SGSM1: variants seen among roughly 807,000 people sequenced by gnomAD.
The protein encoded by SGSM1 is RUN and TBC1 domain containing 2.
A neutral mutation model predicts 133.8 loss-of-function variants in SGSM1; 73 were observed. The observed-to-expected ratio is 0.55, with a 90% confidence interval of 0.45 to 0.66. SGSM1 has a LOEUF of 0.66. Among genes scored for constraint, SGSM1 ranks in the 30% least tolerant of loss-of-function variants. The pLI, the probability that SGSM1 is intolerant of heterozygous loss-of-function variation, is 0.00. For missense variants in SGSM1, 1,213 were observed against 1,448.1 expected (o/e 0.84, Z 2.64); for synonymous variants, 563 against 573.0 (o/e 0.98, Z 0.25).
chr22:24,827,022 T>A (rs1044842666), intron 2 of SGSM1, among the ~76,000 whole-genome samples: 8 of 152,204 alleles, frequency 5.3e-5, no homozygotes, highest in African/African-American at 1.7e-4. Context: ...GGCTGTGTGC[T>A]GGGTCCTGTT....
At chr22:24,884,727 C>G (rs1193282328) in intron 15 of SGSM1, among the ~76,000 whole-genome samples, 2 of 152,222 alleles carry the variant, frequency 1.3e-5, no homozygotes, top group Admixed American at 6.5e-5. Context: ...CTTCCAACAC[C>G]ATCACTTCCC....
At chr22:24,816,740 T>C (rs1928108501) in intron 2 of SGSM1, among the ~76,000 whole-genome samples, 2 of 152,194 alleles carry the variant, frequency 1.3e-5, no homozygotes, top group Non-Finnish European at 2.9e-5. Flanking sequence ...GGGGCGCCAA[T>C]GATGTCATCA....
intron 20 of SGSM1, among the ~76,000 whole-genome samples, chr22:24,904,473 G>A (rs1207545932): frequency 6.6e-6 from 1 of 151,654 alleles, no homozygotes; most frequent in Non-Finnish European, 1.5e-5. Flanking sequence ...CCAGCTACTC[G>A]GGAGGCTGAG....
At chr22:24,818,088 C>T (rs1235602094) in intron 2 of SGSM1, among the ~76,000 whole-genome samples, 1 of 151,588 alleles carries the variant, frequency 6.6e-6, no homozygotes. Context: ...AAAAATTAGC[C>T]GGGCGTGGTG....
intron 9 of SGSM1, among the ~76,000 whole-genome samples, chr22:24,860,949 A>ATATATATATATATATATAT (rs1569152376): frequency 3.0e-5 from 4 of 133,930 alleles, no homozygotes; most frequent in Admixed American, 7.7e-5. Context: ...ATATATATAT[A>ATATATATATATATATATAT]ATTTTGAAGC....
intron 12 of SGSM1, among the ~76,000 whole-genome samples, chr22:24,875,052 C>T (rs151271630): frequency 0.012 from 1,755 of 152,300 alleles, 17 homozygotes; most frequent in African/African-American, 0.04. Context: ...ACCTTGTCAG[C>T]TACGGAGCTC....
rs1160670314 is a variant in SGSM1 at position 24,898,524 on chromosome 22, G to A, written c.2575G>A (p.Val859Met). 1.2e-6 allele frequency: 2 copies of A among 1,611,372 alleles called. No homozygotes were observed. The highest frequency in any genetic ancestry group is 2.2e-5 in the East Asian group (1 of 44,818). The change falls in exon 19 of 25, where the codon GTG becomes ATG. Residue 859 changes from valine (V) to methionine (M), a missense_variant. Physicochemically the swap from Val to Met is conservative, Grantham distance 21. Coordinates refer to ENST00000400358, the MANE Select transcript of SGSM1 (RefSeq NM_001098497.3). ...SLAVTTSANE[V>M]SPVSSSGVTY... ...GGCTGTGACTACTTCTGCCAACGAG[G>A]TGTCCCCTGTGTCTTCCAGCGGCGT... is the stretch of plus-strand genomic sequence containing the variant.
At chr22:24,853,769 A>ATTTTTTTTTTTTTTTTTTTTT (rs57736929) in intron 5 of SGSM1, among the ~76,000 whole-genome samples, 2 of 123,438 alleles carry the variant, frequency 1.6e-5, no homozygotes, top group African/African-American at 6.7e-5. Context: ...CGCCTGGTGA[A>ATTTTTTTTTTTTTTTTTTTTT]TTTTTTTTTT....
chr22:24,895,242 C>A lies in SGSM1; in HGVS notation c.1973C>A (p.Ser658Ter). 6.2e-7 allele frequency: 1 copy of A among 1,611,416 alleles called. No homozygotes were observed. Among genetic ancestry groups the A allele is most frequent in the Non-Finnish European group, 8.5e-7 (1 of 1,179,018 alleles). ...ISNESSQSCS[S>*]GRQNIRLHSD... is the part of the protein sequence containing the mutation. ...TCTCAGTCCTCCCAGAGCTGCAGTT[C>A]GGGCCGCCAGAACATCCGCCTGCAC... Residue 658 changes from serine (S) to a stop codon, truncating the protein, a stop_gained, in exon 18 of 25, where the codon TCG becomes TAG. Transcript: ENST00000400358. LOFTEE classifies it high-confidence loss of function.
intron 16 of SGSM1, among the ~76,000 whole-genome samples, chr22:24,889,653 G>T (rs982446916): frequency 1.4e-5 from 2 of 140,560 alleles, no homozygotes; most frequent in Non-Finnish European, 3.1e-5. Context: ...GCCTTAAATT[G>T]ATTTTTTTTT....
chr22:24,855,276 G>T lies in SGSM1; in HGVS notation c.524-9G>T. The T allele has an allele frequency of 6.2e-7, 1 of 1,606,848 alleles. No homozygotes were observed. The highest frequency in any genetic ancestry group is 2.2e-5 in the East Asian group (1 of 44,540). On this transcript the variant is annotated splice_polypyrimidine_tract_variant and intron_variant, in intron 6 of 24. Transcript: ENST00000400358. ...GGCAGTGGGTTTCCAGCCCCCACAT[G>T]CCCCTCAGTGGGGCCCTGTGCCCTA...
intron 21 of SGSM1, 131 bp downstream of exon 21, chr22:24,905,318 A>G (rs1433849103): frequency 2.4e-6 from 2 of 842,136 alleles, no homozygotes; most frequent in Non-Finnish European, 4.1e-6. Context: ...TGTCTGGTGA[A>G]CACATCAAGA....
In SGSM1 at chr22:24,924,443, G is replaced by A; in HGVS notation, c.*169G>A. 1 of 613,310 alleles carries A rather than the reference G, an allele frequency of 1.6e-6. No homozygotes were observed. Among genetic ancestry groups the A allele is most frequent in the Admixed American group, 2.7e-5 (1 of 37,432 alleles). 38.0% of individuals were successfully genotyped at this position (613,310 alleles called of 1,614,324 possible). A position where few individuals can be genotyped will look rare whatever the true frequency, so the allele number is the denominator to read the frequency against. On this transcript the variant is annotated 3_prime_UTR_variant, in exon 25 of 25. Coordinates refer to ENST00000400358, the MANE Select transcript of SGSM1 (RefSeq NM_001098497.3). ...CCTGACTTTTACTTCTGGGCAGATG[G>A]GGTGGAGGGAGTACCCCTTCAATTC... is the stretch of plus-strand genomic sequence containing the variant.
chr22:24,824,340 G>A (rs1218500761), intron 2 of SGSM1, among the ~76,000 whole-genome samples: 2 of 152,120 alleles, frequency 1.3e-5, no homozygotes, highest in Non-Finnish European at 2.9e-5. Context: ...GAAAGAGACA[G>A]GATTTAGCAG....
chr22:24,923,896 A>G (rs1934099468), intron 24 of SGSM1, among the ~76,000 whole-genome samples: 1 of 152,194 alleles, frequency 6.6e-6, no homozygotes, highest in African/African-American at 2.4e-5. Context: ...TGCTGGGATT[A>G]CAGCCATGAG....
intron 12 of SGSM1, among the ~76,000 whole-genome samples, chr22:24,871,362 C>CA (rs1180712540): frequency 3.3e-5 from 5 of 152,154 alleles, no homozygotes; most frequent in African/African-American, 1.2e-4. Context: ...CAGCAGTCCC[C>CA]ACCAGCAGCA....
rs533138726 is a variant in SGSM1, at chr22:24,902,421, C to T, written c.2735+464C>T. 1.2e-4 allele frequency among the ~76,000 whole-genome samples: 19 copies of T among 152,078 alleles called. No individual in the cohort carries two copies. The South Asian group carries it at 3.3e-3, about 27-fold the overall frequency. ...TAATCCCAGCACTTTGGGAAGCTGA[C>T]GTGGGAGGATCACTTGAGGCCACTT... On this transcript the variant is annotated intron_variant, in intron 20 of 24. Transcript: ENST00000400358.
chr22:24,819,586 C>T (rs182048409), intron 2 of SGSM1, among the ~76,000 whole-genome samples: 2 of 152,288 alleles, frequency 1.3e-5, no homozygotes, highest in Non-Finnish European at 2.9e-5. Context: ...AGAGTGCCTC[C>T]CTTGATCTGG....
At chr22:24,848,001 T>G (rs1930250237) in intron 4 of SGSM1, among the ~76,000 whole-genome samples, 1 of 151,864 alleles carries the variant, frequency 6.6e-6, no homozygotes, top group Non-Finnish European at 1.5e-5. Context: ...CCATAGCTGC[T>G]TTCTTGTCAT....
Sources: allele counts gnomAD v4.1 joint callset (sites outside exome capture counted in the v4.1 genomes callset), GRCh38; gene constraint gnomAD v4.1.1; transcripts MANE v1.5; gene names NCBI Gene and HGNC (gene_info 2026-07-23, HGNC 2026-07-21).